EXTL3: variants seen among roughly 807,000 people sequenced by gnomAD.
The protein encoded by EXTL3 is exostosin-like 3.
EXTL3 carries 27 observed loss-of-function variants against 69.3 expected under a neutral mutation model. The ratio of observed to expected loss-of-function variants is 0.39; its 90% CI spans 0.29 to 0.54. The LOEUF (loss-of-function observed/expected upper bound fraction) is 0.54. Ranked by LOEUF, EXTL3 falls within the 20% of genes least tolerant of loss-of-function variation. EXTL3 has a pLI of 0.69. For synonymous variants in EXTL3, 511 were observed against 499.4 expected (o/e 1.02, Z -0.31); for missense variants, 1,003 against 1,231.8 (o/e 0.81, Z 2.78).
chr8:28,670,814 C>T (rs1316918221), intron 1 of EXTL3, among the ~76,000 whole-genome samples: 1 of 152,150 alleles, frequency 6.6e-6, no homozygotes, highest in Non-Finnish European at 1.5e-5. Context: ...CACTCCTGAC[C>T]CAATCAAGCT....
intron 4 of EXTL3, among the ~76,000 whole-genome samples, chr8:28,736,599 G>A (rs1462220511): frequency 6.6e-6 from 1 of 152,138 alleles, no homozygotes; most frequent in Non-Finnish European, 1.5e-5. Context: ...CATCATACAT[G>A]TTTCTCCGTC....
intron 1 of EXTL3, among the ~76,000 whole-genome samples, chr8:28,649,163 C>T (rs115617113): frequency 7.4e-4 from 113 of 152,334 alleles, no homozygotes; most frequent in African/African-American, 2.6e-3. Flanking sequence ...CTCTGCCTCC[C>T]AAGTAGCTGG....
intron 1 of EXTL3, among the ~76,000 whole-genome samples, chr8:28,663,523 C>A (rs1312214130): frequency 6.6e-6 from 1 of 152,092 alleles, no homozygotes; most frequent in Non-Finnish European, 1.5e-5. Context: ...GTGATCTTGG[C>A]TCACCGCAAC....
intron 1 of EXTL3, among the ~76,000 whole-genome samples, chr8:28,631,078 A>G (rs1427438578): frequency 2.0e-5 from 3 of 151,986 alleles, no homozygotes; most frequent in Admixed American, 1.3e-4. Flanking sequence ...AAAAGGAAAC[A>G]GGTCGGGTGA....
chr8:28,708,202 A>G (rs1377768642), intron 1 of EXTL3, among the ~76,000 whole-genome samples: 2 of 152,208 alleles, frequency 1.3e-5, no homozygotes, highest in African/African-American at 4.8e-5. Flanking sequence ...CTCTTCAGTC[A>G]GTAGGTCAAG....
rs571974451 is a variant in EXTL3 at position 28,704,761 on chromosome 8, C to T, written c.-570+3102C>T. 3.3e-5 allele frequency among the ~76,000 whole-genome samples: 5 copies of T among 152,200 alleles called. No individual in the cohort carries two copies. The East Asian group carries it at 7.7e-4, about 24-fold the overall frequency. On this transcript the variant is annotated intron_variant, in intron 1 of 6. Coordinates refer to ENST00000220562, the MANE Select transcript of EXTL3 (RefSeq NM_001440.4). The stretch of plus-strand genomic sequence containing the variant: ...CTCAGGTGACTGCAAACTTCCGCCT[C>T]CCAGGTTCAAGTAATTCTCCTGCCT...
At chr8:28,611,200 C>T (rs575694793) in intron 2 of EXTL3, among the ~76,000 whole-genome samples, 5 of 152,202 alleles carry the variant, frequency 3.3e-5, no homozygotes, top group East Asian at 1.9e-4. Context: ...TGTATAATCC[C>T]GGCACTCTAG....
At chr8:28,726,881 T>TTC (rs2130762791) in intron 3 of EXTL3, among the ~76,000 whole-genome samples, 1 of 122,632 alleles carries the variant, frequency 8.2e-6, no homozygotes, top group African/African-American at 3.1e-5. Context: ...TTTCTTTTCT[T>TTC]TTTTTTTTTT....
At chr8:28,735,871 G>A (rs1801641233) in intron 4 of EXTL3, among the ~76,000 whole-genome samples, 1 of 152,208 alleles carries the variant, frequency 6.6e-6, no homozygotes. Context: ...AATGGCCAGA[G>A]CAGCGTTATT....
chr8:28,644,730 T>C (rs1406271510), intron 1 of EXTL3, among the ~76,000 whole-genome samples: 1 of 152,234 alleles, frequency 6.6e-6, no homozygotes, highest in Non-Finnish European at 1.5e-5. Flanking sequence ...TTCGTTATGA[T>C]TCCTTGCTTC....
intron 1 of EXTL3, among the ~76,000 whole-genome samples, chr8:28,668,097 T>C (rs1230478398): frequency 2.0e-5 from 3 of 151,658 alleles, no homozygotes; most frequent in Non-Finnish European, 4.4e-5. Flanking sequence ...ACATTGTCTT[T>C]ACAAAATAAA....
In EXTL3 at chr8:28,754,350, C is replaced by T. The variant is rs949574397; in HGVS notation, c.*3484C>T. 1.3e-5 allele frequency: 2 copies of T among 152,574 alleles called. No individual in the cohort carries two copies. The highest frequency in any genetic ancestry group is 1.3e-4 in the Admixed American group (2 of 15,294). 9.5% of individuals were successfully genotyped at this position (152,574 alleles called of 1,614,324 possible). A position where few individuals can be genotyped will look rare whatever the true frequency, so the allele number is the denominator to read the frequency against. On this transcript the variant is annotated 3_prime_UTR_variant, in exon 7 of 7. Transcript: ENST00000220562. ...AAAGGGGGTAAAGGCGAGGACTCCT[C>T]TCCTGGGCTCTGCAGGTGGCAGCTT...
intron 1 of EXTL3, among the ~76,000 whole-genome samples, chr8:28,659,328 G>T (rs1339468363): frequency 6.6e-6 from 1 of 151,826 alleles, no homozygotes; most frequent in African/African-American, 2.4e-5. Context: ...TATTGCTTTT[G>T]AAGTGTCTGC....
At position 28,750,438 on chromosome 8, in the gene EXTL3, G is replaced by A. The variant is rs1036561470; in HGVS notation, c.2551-219G>A. Among the ~76,000 whole-genome samples the A allele has an allele frequency of 1.2e-4, 19 of 152,210 alleles. No individual in the cohort carries two copies. Among genetic ancestry groups the A allele is most frequent in the South Asian group, 2.1e-4 (1 of 4,834 alleles). ...TTAAGGCTTTTGGCATCTGAGAAGC[G>A]TAGGCCATCTCAACAGAATACCTGA... On this transcript the variant is annotated intron_variant, in intron 6 of 6. Transcript: ENST00000220562. This position sits in a 1 kb window ranked among gnomAD's most constrained non-coding sequence, Gnocchi z 5.2.
intron 2 of EXTL3, among the ~76,000 whole-genome samples, chr8:28,607,974 G>T (rs796631128): frequency 2.6e-5 from 4 of 152,048 alleles, no homozygotes; most frequent in South Asian, 4.1e-4. Context: ...GCCAGGCGTG[G>T]TGGTGGGCGC....
chr8:28,734,539 C>T (rs1801606731), intron 4 of EXTL3, among the ~76,000 whole-genome samples: 1 of 152,150 alleles, frequency 6.6e-6, no homozygotes, highest in Non-Finnish European at 1.5e-5. Flanking sequence ...TGGTGAAACC[C>T]TGCCTTTACT....
chr8:28,746,029 A>G (rs1168534194), intron 6 of EXTL3, among the ~76,000 whole-genome samples: 1 of 152,228 alleles, frequency 6.6e-6, no homozygotes, highest in East Asian at 1.9e-4. Context: ...ACTTCATAAT[A>G]AAGAACCAGT....
chr8:28,705,657 C>G (rs1800905618), intron 1 of EXTL3, among the ~76,000 whole-genome samples: 1 of 151,956 alleles, frequency 6.6e-6, no homozygotes, highest in African/African-American at 2.4e-5. Flanking sequence ...CTAACGATAT[C>G]AATTGTATGC....
chr8:28,612,850 C>G (rs1241026638), intron 2 of EXTL3, among the ~76,000 whole-genome samples: 1 of 152,106 alleles, frequency 6.6e-6, no homozygotes, highest in Non-Finnish European at 1.5e-5. Flanking sequence ...ACTCAAGTAG[C>G]TAGGATTACA....
Sources: gnomAD v4.1 joint callset for allele counts (sites outside exome capture counted in the v4.1 genomes callset) on GRCh38, gnomAD v4.1.1 for gene constraint, Gnocchi (gnomAD v3.1) non-coding constraint, MANE v1.5 for transcripts, NCBI Gene and HGNC (gene_info 2026-07-23, HGNC 2026-07-21) for gene names.